RUNX2: variants seen among roughly 807,000 people sequenced by gnomAD.
The protein encoded by RUNX2 is runt-related transcription factor 2.
Under a neutral mutation model 51.7 loss-of-function variants are expected in RUNX2, and 10 were observed. That is an observed-to-expected ratio of 0.19 (90% CI 0.12 to 0.33). The LOEUF (loss-of-function observed/expected upper bound fraction) is 0.33, where lower values mean the gene tolerates loss of function less well. Ranked by LOEUF, RUNX2 falls within the 10% of genes least tolerant of loss-of-function variation. RUNX2 has a pLI of 1.00. For missense variants in RUNX2, 562 were observed against 691.3 expected (o/e 0.81, Z 2.10); for synonymous variants, 276 against 273.6 (o/e 1.01, Z -0.09).
At chr6:45,526,491 T>C (rs1801678139) in intron 7 of RUNX2, among the ~76,000 whole-genome samples, 2 of 152,228 alleles carry the variant, frequency 1.3e-5, no homozygotes, top group East Asian at 3.8e-4. Context: ...AGGACCAGGC[T>C]TTCTATATTA....
At chr6:45,340,695 T>A (rs757796098) in intron 2 of RUNX2, among the ~76,000 whole-genome samples, 3 of 152,116 alleles carry the variant, frequency 2.0e-5, no homozygotes, top group African/African-American at 2.4e-5. Flanking sequence ...TAATTAATAG[T>A]CTTAATGTCC....
intron 5 of RUNX2, among the ~76,000 whole-genome samples, chr6:45,442,755 A>G (rs956792747): frequency 5.9e-5 from 9 of 152,068 alleles, no homozygotes; most frequent in Non-Finnish European, 1.2e-4. Flanking sequence ...TCTATTTGTC[A>G]GGCTTGGGGT....
At chr6:45,423,570 G>C (rs968867271) in intron 3 of RUNX2, among the ~76,000 whole-genome samples, 8 of 152,048 alleles carry the variant, frequency 5.3e-5, no homozygotes. Context: ...GCCGGGATTC[G>C]TGGGGTGCCG....
intron 3 of RUNX2, among the ~76,000 whole-genome samples, chr6:45,424,701 C>T (rs760076068): frequency 5.9e-5 from 9 of 152,104 alleles, no homozygotes; most frequent in Admixed American, 1.3e-4. Flanking sequence ...AAGAGGAGTC[C>T]AGGTCAATTA....
At chr6:45,389,483 A>C (rs111850037) in intron 2 of RUNX2, among the ~76,000 whole-genome samples, 82 of 152,324 alleles carry the variant, frequency 5.4e-4, no homozygotes, top group African/African-American at 1.8e-3. Flanking sequence ...AATATGGCAT[A>C]ATATGTAGAA....
chr6:45,387,991 C>T (rs551881685), intron 2 of RUNX2, among the ~76,000 whole-genome samples: 123 of 152,180 alleles, frequency 8.1e-4, no homozygotes, highest in African/African-American at 2.7e-3. Context: ...GAAAGAGTAG[C>T]TGGAGAAATA....
intron 2 of RUNX2, among the ~76,000 whole-genome samples, chr6:45,337,024 C>CA (rs887867908): frequency 6.6e-6 from 1 of 151,650 alleles, no homozygotes. Flanking sequence ...GACATGAACA[C>CA]AAAAAATGCA....
In RUNX2 at chr6:45,548,324, A is replaced by G. The variant is rs1029515522; in HGVS notation, c.*1019A>G. On this transcript the variant is annotated 3_prime_UTR_variant, in exon 9 of 9. Coordinates refer to ENST00000647337, the MANE Select transcript of RUNX2 (RefSeq NM_001024630.4). ...CAAATTTCTTCAGTGGTCTAGAGCC[A>G]TATCTGAAATATTGCTAAGCAATTT... is the stretch of plus-strand genomic sequence containing the variant. The G allele has an allele frequency of 7.9e-5, 12 of 152,692 alleles. No homozygotes were observed. Among genetic ancestry groups the G allele is most frequent in the African/African-American group, 2.7e-4 (11 of 41,478 alleles). 9.5% of individuals were successfully genotyped at this position (152,692 alleles called of 1,614,324 possible).
intron 2 of RUNX2, among the ~76,000 whole-genome samples, chr6:45,336,681 C>T (rs1408820680): frequency 6.6e-6 from 1 of 151,114 alleles, no homozygotes; most frequent in African/African-American, 2.4e-5. Context: ...TCCTGTGCTC[C>T]AAGAAATACT....
intron 5 of RUNX2, among the ~76,000 whole-genome samples, chr6:45,478,521 C>T (rs1308861660): frequency 6.6e-6 from 1 of 152,164 alleles, no homozygotes; most frequent in Non-Finnish European, 1.5e-5. Flanking sequence ...GAATAGACTC[C>T]CAAGTTTTCC....
intron 6 of RUNX2, among the ~76,000 whole-genome samples, chr6:45,508,681 T>C (rs916463431): frequency 2.6e-5 from 4 of 152,218 alleles, no homozygotes; most frequent in Non-Finnish European, 5.9e-5. Context: ...TCTTGAGAAC[T>C]TACTTTTCCT....
chr6:45,439,030 C>T lies in RUNX2; in HGVS notation c.685+979C>T, dbSNP rs114083883. 8.2e-3 allele frequency among the ~76,000 whole-genome samples: 1,243 copies of T among 152,190 alleles called. 21 individuals carry two copies. Among genetic ancestry groups the T allele is most frequent in the African/African-American group, 0.029 (1,185 of 41,512 alleles). On this transcript the variant is annotated intron_variant, in intron 5 of 8. Transcript: ENST00000647337. ...CAACCTGCATAGACCATGAGAGTGGCATATCTTTTCTTCCCCTAAAATGAG... is the reference window on the plus strand; with the variant it reads ...CAACCTGCATAGACCATGAGAGTGGTATATCTTTTCTTCCCCTAAAATGAG...
At chr6:45,347,309 G>A (rs1258804257) in intron 2 of RUNX2, among the ~76,000 whole-genome samples, 1 of 152,098 alleles carries the variant, frequency 6.6e-6, no homozygotes, top group Admixed American at 6.6e-5. Context: ...ATATATGACT[G>A]TTAGGGAACA....
intron 2 of RUNX2, among the ~76,000 whole-genome samples, chr6:45,419,367 A>G (rs1798128456): frequency 6.6e-6 from 1 of 151,926 alleles, no homozygotes; most frequent in Non-Finnish European, 1.5e-5. Context: ...ACAAAAAACG[A>G]GCCAGGGATC....
chr6:45,403,472 ATCCGCCCGCC>A (rs1008650549), intron 2 of RUNX2, among the ~76,000 whole-genome samples: 3 of 151,998 alleles, frequency 2.0e-5, no homozygotes, highest in African/African-American at 7.2e-5. Flanking sequence ...ACTTCAGGTG[ATCCGCCCGCC>A]TCAGCATCTC....
At chr6:45,417,215 A>G (rs1424518789) in intron 2 of RUNX2, among the ~76,000 whole-genome samples, 1 of 152,238 alleles carries the variant, frequency 6.6e-6, no homozygotes, top group Non-Finnish European at 1.5e-5. Flanking sequence ...AATCATGTGC[A>G]ACACAGTTGG....
intron 7 of RUNX2, among the ~76,000 whole-genome samples, chr6:45,542,436 C>T (rs1802259661): frequency 6.6e-6 from 1 of 152,150 alleles, no homozygotes; most frequent in Non-Finnish European, 1.5e-5. Context: ...CATTTGTTTG[C>T]AAGCTGTTTG....
At chr6:45,423,579 C>T (rs1396775507) in intron 3 of RUNX2, among the ~76,000 whole-genome samples, 2 of 151,730 alleles carry the variant, frequency 1.3e-5, no homozygotes, top group Non-Finnish European at 2.9e-5. Flanking sequence ...CGTGGGGTGC[C>T]GGTGCCGGGC....
In RUNX2 at chr6:45,485,697, G is replaced by GTATATATATATATATATATA. The variant is rs10677574; in HGVS notation, c.686-6243_686-6224dup. ...TATGTGTGTGTGTGTGTGTGTGTGT[G>GTATATATATATATATATATA]TATATATATATATATATATACACAT... On this transcript the variant is annotated intron_variant, in intron 5 of 8. Coordinates refer to ENST00000647337, the MANE Select transcript of RUNX2 (RefSeq NM_001024630.4). 5.7e-3 allele frequency among the ~76,000 whole-genome samples: 589 copies of GTATATATATATATATATATA among 103,928 alleles called. 11 individuals carry two copies. The highest frequency in any genetic ancestry group is 8.1e-3 in the Non-Finnish European group (419 of 51,542). 68.2% of individuals were successfully genotyped at this position (103,928 alleles called of 152,430 possible).
Sources: gnomAD v4.1 joint callset for allele counts (sites outside exome capture counted in the v4.1 genomes callset) on GRCh38, gnomAD v4.1.1 for gene constraint, MANE v1.5 for transcripts, NCBI Gene and HGNC (gene_info 2026-07-23, HGNC 2026-07-21) for gene names.